GPC6: variants seen among roughly 807,000 people sequenced by gnomAD.
GPC6 encodes glypican-6.
In GPC6, 14 loss-of-function variants were observed where a neutral mutation model predicts 55.2. That is an observed-to-expected ratio of 0.25 (90% CI 0.17 to 0.40). The LOEUF (loss-of-function observed/expected upper bound fraction) is 0.40, where lower values mean the gene tolerates loss of function less well. Ranked by LOEUF, GPC6 falls within the 10% of genes least tolerant of loss-of-function variation. GPC6 has a pLI of 1.00. For missense variants in GPC6, 641 were observed against 708.5 expected, an observed-to-expected ratio of 0.90 and a Z score of 1.08; for synonymous variants, 278 against 259.6, an observed-to-expected ratio of 1.07 and a Z score of -0.68.
rs925014065 is a variant in GPC6 at position 93,227,968 on chromosome 13, G to C, written c.160+352G>C. Among the ~76,000 whole-genome samples, 1 of 152,176 alleles carries C rather than the reference G, an allele frequency of 6.6e-6. No individual in the cohort carries two copies. The highest frequency in any genetic ancestry group is 2.4e-5 in the African/African-American group (1 of 41,462). On this transcript the variant is annotated intron_variant, in intron 1 of 8. Transcript: ENST00000377047. This position sits in a 1 kb window ranked among gnomAD's most constrained non-coding sequence, Gnocchi z 4.3. ...AGGCGCAGACGGAGAGCCGAGCCGG[G>C]CGCTCACTCCGCGTTCTGGTTCGGG...
At chr13:94,299,200 C>T (rs1875508561) in intron 5 of GPC6, among the ~76,000 whole-genome samples, 1 of 151,964 alleles carries the variant, frequency 6.6e-6, no homozygotes, top group South Asian at 2.1e-4. Context: ...ATTTATTAAC[C>T]ATTATTATTC....
At chr13:93,512,403 T>G (rs1881015644) in intron 1 of GPC6, among the ~76,000 whole-genome samples, 1 of 152,020 alleles carries the variant, frequency 6.6e-6, no homozygotes. Flanking sequence ...ATATAAAATG[T>G]TTTTTGTGTG....
chr13:94,156,157 T>G (rs1329939459), intron 4 of GPC6, among the ~76,000 whole-genome samples: 1 of 152,098 alleles, frequency 6.6e-6, no homozygotes, highest in Non-Finnish European at 1.5e-5. Context: ...ATTATGTCAA[T>G]TATGGCCAAA....
intron 3 of GPC6, among the ~76,000 whole-genome samples, chr13:93,870,509 C>G (rs1357914764): frequency 1.3e-5 from 2 of 151,754 alleles, no homozygotes; most frequent in African/African-American, 4.8e-5. Context: ...TGCTGCATAA[C>G]CAGGTACCCC....
chr13:93,773,319 G>A (rs986336157), intron 2 of GPC6, among the ~76,000 whole-genome samples: 2 of 151,994 alleles, frequency 1.3e-5, no homozygotes, highest in Non-Finnish European at 2.9e-5. Flanking sequence ...TTAACATGAA[G>A]GCATATATGT....
intron 4 of GPC6, among the ~76,000 whole-genome samples, chr13:94,104,689 C>A (rs1351997265): frequency 6.6e-6 from 1 of 151,878 alleles, no homozygotes; most frequent in Non-Finnish European, 1.5e-5. Context: ...AACAGAGAGC[C>A]AAATCATGAG....
chr13:93,596,750 A>G (rs1877761257), intron 2 of GPC6, among the ~76,000 whole-genome samples: 1 of 148,374 alleles, frequency 6.7e-6, no homozygotes. Flanking sequence ...ATATATGTGT[A>G]TATATGTATA....
chr13:93,411,459 T>C (rs1876492171), intron 1 of GPC6, among the ~76,000 whole-genome samples: 1 of 152,166 alleles, frequency 6.6e-6, no homozygotes, highest in Admixed American at 6.5e-5. Context: ...AAATGTTGAT[T>C]GAGAAAGAAC....
intron 2 of GPC6, among the ~76,000 whole-genome samples, chr13:93,691,586 C>A (rs1177144260): frequency 6.6e-6 from 1 of 151,190 alleles, no homozygotes; most frequent in Non-Finnish European, 1.5e-5. Flanking sequence ...ACACTTTTTT[C>A]AGATTCATAC....
At chr13:94,051,070 C>A (rs1304597747) in intron 4 of GPC6, among the ~76,000 whole-genome samples, 1 of 152,108 alleles carries the variant, frequency 6.6e-6, no homozygotes, top group Non-Finnish European at 1.5e-5. Flanking sequence ...CTGACCCTAA[C>A]AAGTGGTATA....
At chr13:94,277,778 C>G (rs1186295233) in intron 4 of GPC6, among the ~76,000 whole-genome samples, 1 of 152,070 alleles carries the variant, frequency 6.6e-6, no homozygotes, top group Admixed American at 6.6e-5. Flanking sequence ...CTGTTCTGTT[C>G]CATTGGTCTA....
At chr13:94,103,470 C>T (rs1885940315) in intron 4 of GPC6, among the ~76,000 whole-genome samples, 1 of 152,184 alleles carries the variant, frequency 6.6e-6, no homozygotes. Flanking sequence ...ACACTGTCTT[C>T]CACAATAGTT....
At chr13:93,762,993 G>T (rs929405638) in intron 2 of GPC6, among the ~76,000 whole-genome samples, 7 of 152,150 alleles carry the variant, frequency 4.6e-5, no homozygotes, top group Non-Finnish European at 7.3e-5. Flanking sequence ...TTATATTTGA[G>T]GCCCAGTTAG....
intron 6 of GPC6, among the ~76,000 whole-genome samples, chr13:94,351,979 A>AAAAG (rs1472653640): frequency 1.4e-5 from 2 of 142,858 alleles, no homozygotes; most frequent in African/African-American, 2.7e-5. Context: ...AAAAAAAAAA[A>AAAAG]AAAGAAAAAG....
At chr13:94,092,881 T>C (rs559381106) in intron 4 of GPC6, among the ~76,000 whole-genome samples, 1 of 152,306 alleles carries the variant, frequency 6.6e-6, no homozygotes, top group African/African-American at 2.4e-5. Flanking sequence ...TGATTAGTGA[T>C]GTTGAACATG....
At chr13:94,179,681 T>C (rs929569054) in intron 4 of GPC6, among the ~76,000 whole-genome samples, 3 of 152,228 alleles carry the variant, frequency 2.0e-5, no homozygotes, top group Non-Finnish European at 2.9e-5. Context: ...AGGCTTTCTC[T>C]AAAAGTGACT....
Position 93,844,110 on chromosome 13 carries a change from A to G in GPC6, c.711+13565A>G, listed in dbSNP as rs137869987. Among the ~76,000 whole-genome samples the G allele has an allele frequency of 2.0e-5, 3 of 152,166 alleles. 1 individual carries two copies. The highest frequency in any genetic ancestry group is 1.3e-4 in the Admixed American group (2 of 15,262). ...CCTGTGAACTTGCAAAGTCTCCTTTAAGCTTTATATTGGCCATCATTTGGT... is the reference window on the plus strand; with the variant it reads ...CCTGTGAACTTGCAAAGTCTCCTTTGAGCTTTATATTGGCCATCATTTGGT... On this transcript the variant is annotated intron_variant, in intron 3 of 8. Transcript: ENST00000377047.
At chr13:93,781,940 G>A (rs983257137) in intron 2 of GPC6, among the ~76,000 whole-genome samples, 3 of 152,052 alleles carry the variant, frequency 2.0e-5, no homozygotes, top group African/African-American at 4.8e-5. Flanking sequence ...ATTTATTTTT[G>A]TTGGTAAGAA....
intron 1 of GPC6, among the ~76,000 whole-genome samples, chr13:93,352,671 G>A (rs1880674031): frequency 6.6e-6 from 1 of 152,112 alleles, no homozygotes. Flanking sequence ...GGAGTGGAAG[G>A]AAGAGAATTT....
Sources: gnomAD v4.1 joint callset for allele counts (sites outside exome capture counted in the v4.1 genomes callset) on GRCh38, gnomAD v4.1.1 for gene constraint, Gnocchi (gnomAD v3.1) non-coding constraint, MANE v1.5 for transcripts, NCBI Gene and HGNC (gene_info 2026-07-23, HGNC 2026-07-21) for gene names.